CCDC102B: variants seen among roughly 807,000 people sequenced by gnomAD.
CCDC102B encodes coiled-coil domain containing 102B, also known as coiled-coil domain-containing protein 102B.
In CCDC102B, 75 loss-of-function variants were observed where a neutral mutation model predicts 57.4. That is an observed-to-expected ratio of 1.31 (90% CI 1.08 to 1.58). The LOEUF is 1.58. CCDC102B is among the 40% of genes most tolerant of loss of function. The pLI is 0.00. For synonymous variants in CCDC102B, 206 were observed against 201.9 expected (o/e 1.02, Z -0.17); for missense variants, 636 against 582.6 (o/e 1.09, Z -0.94).
intron 4 of CCDC102B, among the ~76,000 whole-genome samples, chr18:68,873,246 T>G (rs1369478254): frequency 6.6e-6 from 1 of 152,148 alleles, no homozygotes; most frequent in Non-Finnish European, 1.5e-5. Context: ...CGTCCTTGCC[T>G]TCTGTGTGCT....
chr18:68,803,564 T>C (rs1468419658), intron 1 of CCDC102B, among the ~76,000 whole-genome samples: 1 of 152,108 alleles, frequency 6.6e-6, no homozygotes, highest in Non-Finnish European at 1.5e-5. Context: ...AAGTCTTAAG[T>C]CAGAAGAATG....
intron 6 of CCDC102B, among the ~76,000 whole-genome samples, chr18:69,002,863 T>C (rs1002944345): frequency 6.6e-6 from 1 of 152,210 alleles, no homozygotes; most frequent in South Asian, 2.1e-4. Context: ...ATCTTTACCC[T>C]GTCTGCCCAC....
At chr18:68,739,417 T>C (rs988839977) in intron 2 of CCDC102B, among the ~76,000 whole-genome samples, 1 of 152,208 alleles carries the variant, frequency 6.6e-6, no homozygotes, top group African/African-American at 2.4e-5. Context: ...CCTGCTGCCA[T>C]GATGCCATAG....
At position 68,837,253 on chromosome 18, in the gene CCDC102B, G is replaced by C. The variant is rs372263974; in HGVS notation, c.490G>C (p.Val164Leu). The C allele has an allele frequency of 5.0e-6, 8 of 1,614,000 alleles. No homozygotes were observed. Among genetic ancestry groups the C allele is most frequent in the Admixed American group, 1.7e-5 (1 of 59,984 alleles). The change falls in exon 2 of 8, where the codon GTA becomes CTA. Residue 164 changes from valine to leucine, a missense_variant. Transcript: ENST00000360242. The stretch of plus-strand genomic sequence containing the variant: ...CCAGGATCTGAAGCTTCCTGGCTTC[G>C]TAGAAGAATCCTGTGAACATACAGA... Reference protein sequence around the residue: ...VTQDLKLPGFVEESCEHTDQF... With the variant: ...VTQDLKLPGFLEESCEHTDQF...
At chr18:68,748,044 T>C (rs1428355229) in intron 2 of CCDC102B, among the ~76,000 whole-genome samples, 1 of 152,170 alleles carries the variant, frequency 6.6e-6, no homozygotes, top group African/African-American at 2.4e-5. Flanking sequence ...TTTTCTGCTT[T>C]TGGTAATAGC....
chr18:68,907,021 G>A (rs1179931479), intron 6 of CCDC102B, among the ~76,000 whole-genome samples: 1 of 151,944 alleles, frequency 6.6e-6, no homozygotes, highest in Admixed American at 6.5e-5. Context: ...CATTTTCCAT[G>A]TGAATATCCA....
At chr18:69,045,519 A>T (rs2052539518) in intron 7 of CCDC102B, among the ~76,000 whole-genome samples, 2 of 152,158 alleles carry the variant, frequency 1.3e-5, no homozygotes, top group African/African-American at 4.8e-5. Context: ...TTACATTTTA[A>T]AAATAAATTT....
At chr18:68,802,620 T>G (rs2035894816) in intron 1 of CCDC102B, among the ~76,000 whole-genome samples, 1 of 152,244 alleles carries the variant, frequency 6.6e-6, no homozygotes, top group South Asian at 2.1e-4. Flanking sequence ...GCATAGGTAC[T>G]GAATGCAAAG....
At chr18:68,834,454 T>TATATATATATATATATATATA (rs1568275774) in intron 1 of CCDC102B, among the ~76,000 whole-genome samples, 6 of 146,864 alleles carry the variant, frequency 4.1e-5, no homozygotes, top group African/African-American at 1.2e-4. Flanking sequence ...TATATATATA[T>TATATATATATATATATATATA]TTGCTGTGTT....
At chr18:68,771,049 G>A (rs549640888) in intron 2 of CCDC102B, among the ~76,000 whole-genome samples, 1 of 152,344 alleles carries the variant, frequency 6.6e-6, no homozygotes, top group Admixed American at 6.5e-5. Context: ...GATAGAGTAA[G>A]GAGACCTTTC....
intron 2 of CCDC102B, among the ~76,000 whole-genome samples, chr18:68,781,075 G>A (rs1048229348): frequency 6.6e-6 from 1 of 151,956 alleles, no homozygotes; most frequent in African/African-American, 2.4e-5. Context: ...ATCTGTTTTT[G>A]TATGTATCAT....
rs1200272326 is a variant in CCDC102B at position 68,998,995 on chromosome 18, TATATAGAGAGAGAGAGAG to T, written c.1264-11937_1264-11920del. 2.5e-3 allele frequency among the ~76,000 whole-genome samples: 105 copies of T among 42,554 alleles called. 1 individual carries two copies. Among genetic ancestry groups the T allele is most frequent in the African/African-American group, 3.9e-3 (47 of 12,180 alleles). 27.9% of individuals were successfully genotyped at this position (42,554 alleles called of 152,430 possible). A position where few individuals can be genotyped will look rare whatever the true frequency, so the allele number is the denominator to read the frequency against. ...ATATATATATATATATATATATATA[TATATAGAGAGAGAGAGAG>T]AGAGAGAGAGAGAGAGAGAGAGAGT... On this transcript the variant is annotated intron_variant, in intron 6 of 7. Transcript: ENST00000360242.
chr18:68,724,212 T>G (rs553757137), intron 2 of CCDC102B, among the ~76,000 whole-genome samples: 5 of 152,294 alleles, frequency 3.3e-5, no homozygotes, highest in Admixed American at 2.0e-4. Context: ...GGCCCTAAGC[T>G]TGGCCCACAA....
At chr18:68,835,642 T>C (rs559080027) in intron 1 of CCDC102B, among the ~76,000 whole-genome samples, 5 of 152,304 alleles carry the variant, frequency 3.3e-5, no homozygotes, top group Middle Eastern at 3.4e-3. Flanking sequence ...TAAATAAATA[T>C]AGGTTATCCT....
At chr18:68,810,587 G>A (rs1268953071) in intron 1 of CCDC102B, among the ~76,000 whole-genome samples, 1 of 149,072 alleles carries the variant, frequency 6.7e-6, no homozygotes, top group Admixed American at 6.7e-5. Context: ...TTGGGTAATT[G>A]TAAACTTAGT....
chr18:68,975,204 G>A (rs974274906), intron 6 of CCDC102B, among the ~76,000 whole-genome samples: 1 of 151,898 alleles, frequency 6.6e-6, no homozygotes, highest in Non-Finnish European at 1.5e-5. Context: ...AATTTTTCAG[G>A]ATTGATTATT....
intron 5 of CCDC102B, among the ~76,000 whole-genome samples, chr18:68,886,457 T>A (rs536882287): frequency 3.5e-4 from 54 of 152,252 alleles, no homozygotes; most frequent in African/African-American, 1.2e-3. Context: ...AAAAGTGATC[T>A]TGAACCCATT....
chr18:68,926,195 G>A (rs1363461616), intron 6 of CCDC102B, among the ~76,000 whole-genome samples: 1 of 151,716 alleles, frequency 6.6e-6, no homozygotes. Flanking sequence ...CAATATGCAA[G>A]AACAAGAAAA....
chr18:68,764,420 T>A (rs768801557), intron 2 of CCDC102B, among the ~76,000 whole-genome samples: 2 of 152,192 alleles, frequency 1.3e-5, no homozygotes, highest in Non-Finnish European at 2.9e-5. Flanking sequence ...GAGAAAGTAA[T>A]TCAGTTTTTC....
Sources: gnomAD v4.1 joint callset for allele counts (sites outside exome capture counted in the v4.1 genomes callset) on GRCh38, gnomAD v4.1.1 for gene constraint, MANE v1.5 for transcripts, NCBI Gene and HGNC (gene_info 2026-07-23, HGNC 2026-07-21) for gene names.